The following ADGRL2 variants were observed in gnomAD, a reference collection of about 807,000 sequenced individuals.
The protein encoded by ADGRL2 is calcium-independent alpha-latrotoxin receptor 2.
Under a neutral mutation model 157.4 loss-of-function variants are expected in ADGRL2, and 44 were observed. That is an observed-to-expected ratio of 0.28 (90% CI 0.22 to 0.36). ADGRL2 has a LOEUF of 0.36. ADGRL2 is among the 10% of genes least tolerant of loss of function. ADGRL2 has a pLI of 1.00. For synonymous variants in ADGRL2, 585 were observed against 624.7 expected (o/e 0.94, Z 0.95); for missense variants, 1,510 against 1,768.9 (o/e 0.85, Z 2.63).
intron 3 of ADGRL2, among the ~76,000 whole-genome samples, chr1:81,681,556 C>T (rs2083114370): frequency 6.6e-6 from 1 of 152,194 alleles, no homozygotes; most frequent in African/African-American, 2.4e-5. Context: ...ATTAATACTA[C>T]AGTTTGGGAA....
intron 2 of ADGRL2, among the ~76,000 whole-genome samples, chr1:81,544,480 C>T (rs1403045854): frequency 2.0e-5 from 3 of 152,100 alleles, no homozygotes; most frequent in East Asian, 3.9e-4. Context: ...TTTCCAAACT[C>T]GCTGCCATCA....
At chr1:81,441,331 C>T (rs1015433372) in intron 1 of ADGRL2, among the ~76,000 whole-genome samples, 2 of 152,096 alleles carry the variant, frequency 1.3e-5, no homozygotes, top group Non-Finnish European at 2.9e-5. Context: ...ATAGTGCATA[C>T]ACTTCATCTA....
chr1:81,576,097 T>A (rs2080793160), intron 2 of ADGRL2, among the ~76,000 whole-genome samples: 1 of 152,034 alleles, frequency 6.6e-6, no homozygotes, highest in South Asian at 2.1e-4. Context: ...ATTTAAGAGG[T>A]TTTTGCTTTT....
chr1:81,621,692 C>T (rs531526961), intron 3 of ADGRL2, among the ~76,000 whole-genome samples: 1 of 152,228 alleles, frequency 6.6e-6, no homozygotes, highest in African/African-American at 2.4e-5. Flanking sequence ...CTGTTAGACC[C>T]TAAGAAGAGG....
intron 1 of ADGRL2, among the ~76,000 whole-genome samples, chr1:81,811,063 T>C (rs2089813775): frequency 6.6e-6 from 1 of 151,854 alleles, no homozygotes. Flanking sequence ...ACTTTTCATA[T>C]TGTTACGGGT....
rs184471394 is a variant in ADGRL2 at position 81,458,370 on chromosome 1, T to A, written c.-248+13281T>A. Among the ~76,000 whole-genome samples the A allele has an allele frequency of 1.4e-3, 213 of 152,360 alleles. 1 individual carries two copies. Among genetic ancestry groups the A allele is most frequent in the African/African-American group, 4.8e-3 (200 of 41,592 alleles). ...GCATCACTGAAACTCTATATGTTGA[T>A]GAGCAACTGTTGTGGCTTTTGAAGT... On this transcript the variant is annotated intron_variant, in intron 2 of 24. Coordinates refer to the ADGRL2 transcript ENST00000370721.
chr1:81,404,976 T>A (rs1002500519), intron 1 of ADGRL2, among the ~76,000 whole-genome samples: 1 of 152,238 alleles, frequency 6.6e-6, no homozygotes, highest in South Asian at 2.1e-4. Flanking sequence ...AAAAGCTATG[T>A]TGACATTCTA....
chr1:81,700,794 C>T (rs979952080), intron 1 of ADGRL2, among the ~76,000 whole-genome samples: 9 of 152,146 alleles, frequency 5.9e-5, no homozygotes, highest in Admixed American at 5.2e-4. Flanking sequence ...TCACAATTGT[C>T]GAACATTAGC....
intron 19 of ADGRL2, chr1:81,984,210 A>G (rs1427877608): frequency 6.5e-6 from 1 of 153,816 alleles, no homozygotes; most frequent in Non-Finnish European, 1.4e-5. Context: ...TTAAGCAAGG[A>G]AAATACTAAA....
At chr1:81,972,736 C>A (rs1659098667) in intron 17 of ADGRL2, among the ~76,000 whole-genome samples, 1 of 151,882 alleles carries the variant, frequency 6.6e-6, no homozygotes. Flanking sequence ...CATAGCAAGA[C>A]CTCCCCTCTA....
intron 1 of ADGRL2, among the ~76,000 whole-genome samples, chr1:81,406,828 T>A (rs1244224944): frequency 6.6e-6 from 1 of 152,160 alleles, no homozygotes; most frequent in African/African-American, 2.4e-5. Context: ...TTAAAACCAA[T>A]TTGAGCTTGT....
At chr1:81,581,420 C>T (rs2080904094) in intron 3 of ADGRL2, among the ~76,000 whole-genome samples, 1 of 152,150 alleles carries the variant, frequency 6.6e-6, no homozygotes, top group African/African-American at 2.4e-5. Context: ...AGCAGCTCCA[C>T]TAAAGAGTAA....
intron 1 of ADGRL2, among the ~76,000 whole-genome samples, chr1:81,714,664 T>A (rs372247074): frequency 2.6e-5 from 4 of 152,308 alleles, no homozygotes; most frequent in East Asian, 1.9e-4. Flanking sequence ...TTAATGAATG[T>A]GGTACTTACT....
intron 1 of ADGRL2, among the ~76,000 whole-genome samples, chr1:81,715,731 A>G (rs548765127): frequency 6.6e-6 from 1 of 152,270 alleles, no homozygotes; most frequent in African/African-American, 2.4e-5. Context: ...AGGGGGAAAT[A>G]TCTCTTATCC....
chr1:81,951,400 T>C (rs1000926053), intron 8 of ADGRL2, among the ~76,000 whole-genome samples: 1 of 152,162 alleles, frequency 6.6e-6, no homozygotes. Flanking sequence ...CAAAATGCAT[T>C]CGCCGATTAA....
chr1:81,763,217 T>C (rs920671115), intron 2 of ADGRL2, among the ~76,000 whole-genome samples: 1 of 152,064 alleles, frequency 6.6e-6, no homozygotes, highest in African/African-American at 2.4e-5. Context: ...CAAAAGAGCA[T>C]ATTTATTATT....
intron 11 of ADGRL2, among the ~76,000 whole-genome samples, chr1:81,963,924 G>T (rs1656266472): frequency 6.6e-6 from 1 of 150,938 alleles, no homozygotes; most frequent in African/African-American, 2.4e-5. Flanking sequence ...TTTTTTAATG[G>T]TCATAAACTA....
At chr1:81,946,099 GTAGTGATTGATT>G (rs1489095073) in intron 6 of ADGRL2, among the ~76,000 whole-genome samples, 2 of 152,114 alleles carry the variant, frequency 1.3e-5, no homozygotes, top group Non-Finnish European at 2.9e-5. Context: ...CTGTCATAAA[GTAGTGATTGATT>G]TATTTTGCTG....
At chr1:81,378,853 T>G (rs1452092817) in intron 1 of ADGRL2, among the ~76,000 whole-genome samples, 1 of 152,170 alleles carries the variant, frequency 6.6e-6, no homozygotes, top group African/African-American at 2.4e-5. Flanking sequence ...TAATGCAATA[T>G]TATAAATGAC....
Sources: allele counts gnomAD v4.1 joint callset (sites outside exome capture counted in the v4.1 genomes callset), GRCh38; gene constraint gnomAD v4.1.1; transcripts MANE v1.5; gene names NCBI Gene and HGNC (gene_info 2026-07-23, HGNC 2026-07-21).